The following PDE3A variants were observed in gnomAD, a reference collection of about 807,000 sequenced individuals.
PDE3A encodes the protein phosphodiesterase 3A.
PDE3A carries 43 observed loss-of-function variants against 98.3 expected under a neutral mutation model. The observed-to-expected ratio is 0.44, with a 90% confidence interval of 0.34 to 0.56. PDE3A has a LOEUF of 0.56. Ranked by LOEUF, PDE3A falls within the 20% of genes least tolerant of loss-of-function variation. The probability of loss-of-function intolerance (pLI) is 0.01; values close to 1 mark genes in which losing one functional copy is unlikely to be tolerated. For synonymous variants in PDE3A, 663 were observed against 567.9 expected, an observed-to-expected ratio of 1.17 and a Z score of -2.38; for missense variants, 1,427 against 1,440.7, an observed-to-expected ratio of 0.99 and a Z score of 0.15.
chr12:20,579,440 C>T (rs1943015205), intron 2 of PDE3A, among the ~76,000 whole-genome samples: 1 of 152,022 alleles, frequency 6.6e-6, no homozygotes, highest in Non-Finnish European at 1.5e-5. Flanking sequence ...CTTTTCTGAG[C>T]TCATTTGTCT....
At position 20,459,974 on chromosome 12, in the gene PDE3A, A is replaced by G. The variant is rs1039567564; in HGVS notation, c.960+89730A>G. 3.3e-5 allele frequency among the ~76,000 whole-genome samples: 5 copies of G among 152,190 alleles called. No individual in the cohort carries two copies. The East Asian group carries it at 7.7e-4, about 23-fold the overall frequency. ...AGGAGAGGCTGGTGCTTCTGCTGCA[A>G]TATTAAAACAGCATTGTGCCATTGT... On this transcript the variant is annotated intron_variant, in intron 1 of 15. Transcript: ENST00000359062.
At chr12:20,648,539 G>A in intron 12 of PDE3A, 149 bp from the exon 13 acceptor site, 1 of 629,332 alleles carries the variant, frequency 1.6e-6, no homozygotes, top group Non-Finnish European at 2.8e-6. Context: ...TCATTGTACA[G>A]TAATAAGTGA....
At chr12:20,515,384 G>T (rs73233916) in intron 1 of PDE3A, among the ~76,000 whole-genome samples, 9 of 152,140 alleles carry the variant, frequency 5.9e-5, no homozygotes, top group Non-Finnish European at 1.3e-4. Context: ...TATATACACT[G>T]GTTCCTTTTT....
intron 1 of PDE3A, among the ~76,000 whole-genome samples, chr12:20,507,604 C>T (rs1946143651): frequency 6.6e-6 from 1 of 152,000 alleles, no homozygotes. Context: ...CCAAATGTGC[C>T]AAATGGAACT....
At chr12:20,524,303 G>A (rs1167722551) in intron 1 of PDE3A, among the ~76,000 whole-genome samples, 4 of 152,142 alleles carry the variant, frequency 2.6e-5, no homozygotes, top group South Asian at 2.1e-4. Context: ...GTATTGTAAC[G>A]ATAATCTGTC....
At chr12:20,399,013 C>T (rs1944072290) in intron 1 of PDE3A, among the ~76,000 whole-genome samples, 1 of 152,084 alleles carries the variant, frequency 6.6e-6, no homozygotes, top group Admixed American at 6.5e-5. Flanking sequence ...ACTACCATTC[C>T]ACTTTCTGTC....
Position 20,616,303 on chromosome 12 carries a change from C to T in PDE3A, c.1343C>T (p.Thr448Ile), listed in dbSNP as rs745469050. The T allele has an allele frequency of 1.2e-6, 2 of 1,614,044 alleles. No individual in the cohort carries two copies. Among genetic ancestry groups the T allele is most frequent in the Non-Finnish European group, 8.5e-7 (1 of 1,179,960 alleles). Residue 448 changes from threonine to isoleucine, a missense_variant, in exon 4 of 16, where the codon ACA (threonine) becomes ATA (isoleucine). Physicochemically the swap from Thr to Ile is moderately conservative, Grantham distance 89 (BLOSUM62 -1). Around this residue, in one of 3 missense-constraint regions of PDE3A, gnomAD observed 1,012 missense variants for 886.5 expected, o/e 1.14. Coordinates refer to ENST00000359062, the MANE Select transcript of PDE3A (RefSeq NM_000921.5). ...SSTWTTTTSA[T>I]GLPTLEPAPV... ...ACTTGGACCACCACCACCTCGGCCA[C>T]AGGTCTACCCACCTTGGAGCCTGCA...
rs28545398 is a variant in PDE3A, at chr12:20,431,623, G to A, written c.960+61379G>A. The stretch of plus-strand genomic sequence containing the variant: ...CACACACACACACACACACACACAC[G>A]CACACACACGCACGCACAAATGCAT... On this transcript the variant is annotated intron_variant, in intron 1 of 15. Coordinates refer to ENST00000359062, the MANE Select transcript of PDE3A (RefSeq NM_000921.5). 5.6e-3 allele frequency among the ~76,000 whole-genome samples: 670 copies of A among 120,612 alleles called. 5 individuals carry two copies. The highest frequency in any genetic ancestry group is 0.018 in the African/African-American group (636 of 35,286). 79.1% of individuals were successfully genotyped at this position (120,612 alleles called of 152,430 possible). A position where few individuals can be genotyped will look rare whatever the true frequency, so the allele number is the denominator to read the frequency against.
rs1226513459 is a variant in PDE3A, at chr12:20,552,615, G to T, written c.961-4045G>T. 12 of 1,613,690 alleles carry T rather than the reference G, an allele frequency of 7.4e-6. No homozygotes were observed. Among genetic ancestry groups the T allele is most frequent in the Non-Finnish European group, 9.3e-6 (11 of 1,179,776 alleles). ...GTGGCCCGAGCAGGGCCGGGTCCCC[G>T]CGCCGGACATCCAAGAAAACCAAGG... On this transcript the variant is annotated intron_variant, in intron 1 of 15. Transcript: ENST00000359062. This position sits in a 1 kb window ranked among gnomAD's most constrained non-coding sequence, Gnocchi z 5.1.
chr12:20,579,858 A>C (rs1366197808), intron 2 of PDE3A, among the ~76,000 whole-genome samples: 1 of 152,220 alleles, frequency 6.6e-6, no homozygotes, highest in Non-Finnish European at 1.5e-5. Flanking sequence ...CAGAGACTGC[A>C]GAGAAAACAA....
chr12:20,581,000 T>G (rs1023643008), intron 2 of PDE3A, among the ~76,000 whole-genome samples: 3 of 152,342 alleles, frequency 2.0e-5, no homozygotes, highest in Middle Eastern at 3.4e-3. Context: ...AGGGTTTCAC[T>G]ATCAAGAAAA....
At chr12:20,508,787 G>C (rs1946164285) in intron 1 of PDE3A, among the ~76,000 whole-genome samples, 3 of 142,550 alleles carry the variant, frequency 2.1e-5, no homozygotes, top group Non-Finnish European at 4.5e-5. Flanking sequence ...TCAAATACTT[G>C]AAATAATTAA....
chr12:20,376,082 A>G (rs1015726702), intron 1 of PDE3A, among the ~76,000 whole-genome samples: 3 of 151,960 alleles, frequency 2.0e-5, no homozygotes, highest in African/African-American at 7.2e-5. Flanking sequence ...AAACAAAGGT[A>G]AAATAATATT....
At chr12:20,542,545 G>T (rs1481075002) in intron 1 of PDE3A, among the ~76,000 whole-genome samples, 6 of 151,732 alleles carry the variant, frequency 4.0e-5, no homozygotes, top group African/African-American at 1.5e-4. Context: ...TCAAAGCAAT[G>T]TTTATGTTTT....
chr12:20,570,407 CAAAAAAAAAAAAAAA>C (rs61242685), intron 2 of PDE3A, among the ~76,000 whole-genome samples: 4 of 43,344 alleles, frequency 9.2e-5, no homozygotes, highest in Admixed American at 4.4e-4. Flanking sequence ...GACGCTGTCT[CAAAAAAAAAAAAAAA>C]AAAAAAAAAA....
intron 1 of PDE3A, among the ~76,000 whole-genome samples, chr12:20,527,173 A>T (rs1177722016): frequency 6.6e-6 from 1 of 151,822 alleles, no homozygotes; most frequent in African/African-American, 2.4e-5. Flanking sequence ...CCTGCCTCGG[A>T]TTACAGGGGT....
At chr12:20,566,170 C>T (rs1046644160) in intron 2 of PDE3A, among the ~76,000 whole-genome samples, 1 of 152,018 alleles carries the variant, frequency 6.6e-6, no homozygotes, top group Admixed American at 6.5e-5. Flanking sequence ...ATTTGATTTT[C>T]TAGATCACAG....
chr12:20,599,123 A>G (rs1302673341), intron 2 of PDE3A, among the ~76,000 whole-genome samples: 1 of 152,132 alleles, frequency 6.6e-6, no homozygotes, highest in Non-Finnish European at 1.5e-5. Context: ...CCCCTGCCTG[A>G]GAGTCTAGTC....
At chr12:20,531,575 T>C (rs1482275208) in intron 1 of PDE3A, among the ~76,000 whole-genome samples, 2 of 152,190 alleles carry the variant, frequency 1.3e-5, no homozygotes. Flanking sequence ...TAGCCTATCC[T>C]GTCTTATACG....
Sources: gnomAD v4.1 joint callset for allele counts (sites outside exome capture counted in the v4.1 genomes callset) on GRCh38, gnomAD v4.1.1 for gene constraint, gnomAD v4.1.1 regional missense constraint, Gnocchi (gnomAD v3.1) non-coding constraint, MANE v1.5 for transcripts, NCBI Gene and HGNC (gene_info 2026-07-23, HGNC 2026-07-21) for gene names.